The following CRY1 variants were observed in gnomAD, a reference collection of about 807,000 sequenced individuals.
The protein encoded by CRY1 is cryptochrome circadian regulator 1.
Under a neutral mutation model 76.0 loss-of-function variants are expected in CRY1, and 45 were observed. That is an observed-to-expected ratio of 0.59 (90% confidence interval 0.47 to 0.76). The LOEUF (loss-of-function observed/expected upper bound fraction) is 0.76, where lower values mean the gene tolerates loss of function less well. Among genes scored for constraint, CRY1 ranks in the 30% least tolerant of loss-of-function variants. The pLI is 0.00. For missense variants in CRY1, 587 were observed against 716.4 expected (o/e 0.82, Z 2.06); for synonymous variants, 248 against 244.0 (o/e 1.02, Z -0.15).
At chr12:107,034,601 A>T (rs1386354942) in intron 1 of CRY1, among the ~76,000 whole-genome samples, 1 of 152,180 alleles carries the variant, frequency 6.6e-6, no homozygotes, top group Non-Finnish European at 1.5e-5. Context: ...GAAATGCTCC[A>T]ATGAATTCGG....
At chr12:107,022,500 C>T (rs932887077) in intron 1 of CRY1, among the ~76,000 whole-genome samples, 3 of 151,818 alleles carry the variant, frequency 2.0e-5, no homozygotes, top group African/African-American at 7.3e-5. Flanking sequence ...AAATTGGTTT[C>T]ATTGTTTAAA....
intron 2 of CRY1, among the ~76,000 whole-genome samples, chr12:107,021,803 G>C (rs1484508622): frequency 1.3e-5 from 2 of 151,970 alleles, no homozygotes; most frequent in Non-Finnish European, 2.9e-5. Context: ...CAAGAAACTG[G>C]AATTGGATAC....
chr12:107,087,724 G>A (rs1428671545), intron 1 of CRY1, among the ~76,000 whole-genome samples: 1 of 152,060 alleles, frequency 6.6e-6, no homozygotes, highest in Non-Finnish European at 1.5e-5. Context: ...AGATTTCTGG[G>A]GACTTTGAAA....
chr12:107,053,015 T>C (rs116934437), intron 1 of CRY1, among the ~76,000 whole-genome samples: 1,908 of 152,322 alleles, frequency 0.013, 20 homozygotes, highest in Non-Finnish European at 0.021. Context: ...GTAGTTAATG[T>C]GGAAGCATGA....
intron 2 of CRY1, among the ~76,000 whole-genome samples, chr12:107,009,567 T>C (rs372610128): frequency 3.7e-5 from 3 of 81,674 alleles, no homozygotes; most frequent in Non-Finnish European, 6.9e-5. Flanking sequence ...AAAAAACATA[T>C]ATATATATAT....
chr12:107,013,865 C>T (rs911164831), intron 2 of CRY1, among the ~76,000 whole-genome samples: 3 of 152,112 alleles, frequency 2.0e-5, no homozygotes, highest in South Asian at 4.1e-4. Flanking sequence ...TTTAGATATA[C>T]TGTGTTGAAT....
intron 1 of CRY1, among the ~76,000 whole-genome samples, chr12:107,061,018 C>T (rs1227477725): frequency 1.3e-5 from 2 of 152,120 alleles, no homozygotes; most frequent in East Asian, 1.9e-4. Flanking sequence ...TTTCTCTTTA[C>T]TGAGATTCCC....
intron 1 of CRY1, among the ~76,000 whole-genome samples, chr12:107,070,926 G>A (rs1020394751): frequency 2.7e-5 from 4 of 148,946 alleles, no homozygotes; most frequent in African/African-American, 5.0e-5. Context: ...GGATGATCTC[G>A]ATCTCCTGAC....
Position 107,009,525 on chromosome 12 carries a change from C to A in CRY1, c.268-4277G>T, listed in dbSNP as rs190068875. On this transcript the variant is annotated intron_variant, in intron 2 of 12. Coordinates refer to ENST00000008527, the MANE Select transcript of CRY1 (RefSeq NM_004075.5). The stretch of plus-strand genomic sequence containing the variant: ...CTGCACTCCAGCCTGGGCGACAGAG[C>A]AAGACTCCATCTCAGAAAAAACAAA... 7.5e-3 allele frequency among the ~76,000 whole-genome samples: 1,034 copies of A among 138,530 alleles called. 17 individuals carry two copies. The highest frequency in any genetic ancestry group is 0.024 in the African/African-American group (914 of 37,636). 90.9% of individuals were successfully genotyped at this position (138,530 alleles called of 152,430 possible).
intron 2 of CRY1, among the ~76,000 whole-genome samples, chr12:107,011,664 A>C (rs1008442109): frequency 1.3e-5 from 2 of 152,206 alleles, no homozygotes; most frequent in Admixed American, 6.5e-5. Context: ...CTGCAGAAGG[A>C]AAGTTGGAAG....
intron 1 of CRY1, among the ~76,000 whole-genome samples, chr12:107,084,654 T>C (rs931961875): frequency 6.6e-6 from 1 of 152,122 alleles, no homozygotes; most frequent in Non-Finnish European, 1.5e-5. Flanking sequence ...TTCCTTACAC[T>C]GTATACAAAA....
chr12:107,002,729 T>C (rs1242009031), intron 3 of CRY1, among the ~76,000 whole-genome samples: 2 of 152,170 alleles, frequency 1.3e-5, no homozygotes, highest in Admixed American at 6.5e-5. Flanking sequence ...ACTCCCACAA[T>C]TCCCACATCA....
intron 10 of CRY1, 95 bp downstream of exon 10, chr12:106,997,199 A>G (rs1952242216): frequency 8.6e-7 from 1 of 1,156,610 alleles, no homozygotes; most frequent in African/African-American, 1.5e-5. Flanking sequence ...TCAAAGACAG[A>G]TTTTTATAAA....
At chr12:106,994,436 T>C (rs1177465894) in intron 10 of CRY1, among the ~76,000 whole-genome samples, 1 of 152,166 alleles carries the variant, frequency 6.6e-6, no homozygotes, top group African/African-American at 2.4e-5. Context: ...CACTTTTTCA[T>C]TTGTTTTTGT....
At chr12:107,027,876 G>T (rs1166037720) in intron 1 of CRY1, among the ~76,000 whole-genome samples, 5 of 152,066 alleles carry the variant, frequency 3.3e-5, no homozygotes, top group Admixed American at 1.3e-4. Flanking sequence ...AAAAGGCAAT[G>T]GTAAGATACA....
intron 1 of CRY1, among the ~76,000 whole-genome samples, chr12:107,067,563 C>CA (rs199513991): frequency 0.059 from 8,088 of 137,596 alleles, 404 homozygotes; most frequent in African/African-American, 0.15. Context: ...TTTTCAAAGG[C>CA]AAAAAAAAAA....
chr12:107,046,925 A>T (rs977494931), intron 1 of CRY1, among the ~76,000 whole-genome samples: 1 of 152,230 alleles, frequency 6.6e-6, no homozygotes, highest in African/African-American at 2.4e-5. Context: ...CATTACAATA[A>T]TAGGGACTTA....
At chr12:107,025,697 T>A (rs933632110) in intron 1 of CRY1, among the ~76,000 whole-genome samples, 1 of 152,092 alleles carries the variant, frequency 6.6e-6, no homozygotes, top group Non-Finnish European at 1.5e-5. Flanking sequence ...CTACTAACAA[T>A]CTCTCTCCAT....
chr12:107,042,801 C>T (rs188412464), intron 1 of CRY1: 2 of 152,338 alleles, frequency 1.3e-5, no homozygotes, highest in African/African-American at 4.8e-5. Flanking sequence ...GGGCCTCCAC[C>T]ACCTCATCCT....
Sources: allele counts gnomAD v4.1 joint callset (sites outside exome capture counted in the v4.1 genomes callset), GRCh38; gene constraint gnomAD v4.1.1; transcripts MANE v1.5; gene names NCBI Gene and HGNC (gene_info 2026-07-23, HGNC 2026-07-21).